The following KIAA1217 variants were observed in gnomAD, a reference collection of about 807,000 sequenced individuals.
KIAA1217 encodes KIAA1217.
Under a neutral mutation model 163.9 loss-of-function variants are expected in KIAA1217, and 88 were observed. The observed-to-expected ratio is 0.54, with a 90% CI of 0.45 to 0.64. The LOEUF (loss-of-function observed/expected upper bound fraction) is 0.64, where lower values mean the gene tolerates loss of function less well. Among genes scored for constraint, KIAA1217 ranks in the 30% least tolerant of loss-of-function variants. KIAA1217 has a pLI of 0.00. For synonymous variants in KIAA1217, 903 were observed against 923.1 expected, an observed-to-expected ratio of 0.98 and a Z score of 0.39; for missense variants, 2,372 against 2,475.0, an observed-to-expected ratio of 0.96 and a Z score of 0.88.
chr10:23,802,252 A>G (rs1419215708), intron 1 of KIAA1217, among the ~76,000 whole-genome samples: 4 of 152,178 alleles, frequency 2.6e-5, no homozygotes, highest in African/African-American at 9.7e-5. Context: ...CTCTCACCTC[A>G]CATGCTGAGA....
intron 1 of KIAA1217, among the ~76,000 whole-genome samples, chr10:23,826,574 T>A (rs546856910): frequency 6.6e-6 from 1 of 152,158 alleles, no homozygotes; most frequent in East Asian, 1.9e-4. Context: ...TTATGACTCC[T>A]CCTCAGAGAT....
chr10:24,232,530 G>C (rs1242717665), intron 2 of KIAA1217, among the ~76,000 whole-genome samples: 1 of 152,178 alleles, frequency 6.6e-6, no homozygotes, highest in Non-Finnish European at 1.5e-5. Context: ...CCGAAGTCTA[G>C]CTAGGCAGTG....
intron 2 of KIAA1217, among the ~76,000 whole-genome samples, chr10:24,157,648 G>A (rs1293642151): frequency 2.6e-5 from 4 of 152,126 alleles, no homozygotes; most frequent in Non-Finnish European, 5.9e-5. Context: ...TACAAGGATG[G>A]CAAATTAGCA....
At chr10:24,055,720 G>A (rs1249135774) in intron 2 of KIAA1217, among the ~76,000 whole-genome samples, 3 of 150,492 alleles carry the variant, frequency 2.0e-5, no homozygotes, top group Non-Finnish European at 4.4e-5. Context: ...TTTTTTTTCC[G>A]ATAAAACTTC....
In KIAA1217 at chr10:24,544,908, G is replaced by A; in HGVS notation, c.5212-73G>A. On this transcript the variant is annotated intron_variant, in intron 19 of 20. Coordinates refer to ENST00000376454, the MANE Select transcript of KIAA1217 (RefSeq NM_019590.5). Reference sequence around the variant, plus strand: ...CTCACCTTGAGCTTCTCTGCACATCGTGGGGCAGCCTCACAGATGACCTAC... The same window carrying A: ...CTCACCTTGAGCTTCTCTGCACATCATGGGGCAGCCTCACAGATGACCTAC... 3 of 1,530,918 alleles carry A rather than the reference G, an allele frequency of 2.0e-6. No individual in the cohort carries two copies. In the South Asian group the frequency reaches 3.6e-5, roughly 18 times the overall value. 94.8% of individuals were successfully genotyped at this position (1,530,918 alleles called of 1,614,324 possible).
intron 9 of KIAA1217, among the ~76,000 whole-genome samples, chr10:24,503,018 G>A (rs1387275684): frequency 1.3e-5 from 2 of 152,160 alleles, no homozygotes; most frequent in African/African-American, 4.8e-5. Context: ...CCAGGATCCT[G>A]GAGCAGCCAT....
intron 9 of KIAA1217, among the ~76,000 whole-genome samples, chr10:24,503,308 T>A (rs186068242): frequency 7.2e-4 from 110 of 152,368 alleles, no homozygotes; most frequent in Non-Finnish European, 1.3e-3. Flanking sequence ...ACATCCCAGA[T>A]ACCTTGAACA....
intron 1 of KIAA1217, among the ~76,000 whole-genome samples, chr10:24,215,229 G>A (rs1447163698): frequency 6.6e-6 from 1 of 152,166 alleles, no homozygotes; most frequent in Non-Finnish European, 1.5e-5. Flanking sequence ...AAGCTCCTAT[G>A]TTGCTCTTTG....
chr10:24,392,673 G>A (rs927679253), intron 3 of KIAA1217, among the ~76,000 whole-genome samples: 4 of 152,112 alleles, frequency 2.6e-5, no homozygotes, highest in African/African-American at 9.7e-5. Flanking sequence ...TTTTTAATAT[G>A]TTCCAATAAT....
chr10:24,193,800 CT>C, intron 2 of KIAA1217, among the ~76,000 whole-genome samples: 1 of 95,766 alleles, frequency 1.0e-5, no homozygotes, highest in Non-Finnish European at 2.1e-5. Context: ...GCAGCGTTTT[CT>C]ACACACACAC....
chr10:24,048,256 C>T (rs980721573), intron 2 of KIAA1217, among the ~76,000 whole-genome samples: 6 of 152,178 alleles, frequency 3.9e-5, no homozygotes, highest in Admixed American at 3.9e-4. Context: ...ACTTTTGCTA[C>T]AATTTGCATA....
intron 1 of KIAA1217, among the ~76,000 whole-genome samples, chr10:23,999,181 G>A (rs893404058): frequency 1.3e-5 from 2 of 152,218 alleles, no homozygotes; most frequent in Non-Finnish European, 2.9e-5. Flanking sequence ...TATATTTGGT[G>A]TTGCTGTTGG....
At chr10:23,894,851 T>C (rs1400287036) in intron 1 of KIAA1217, among the ~76,000 whole-genome samples, 4 of 151,748 alleles carry the variant, frequency 2.6e-5, no homozygotes, top group Non-Finnish European at 4.4e-5. Flanking sequence ...TCTACAACTA[T>C]CTGATCTTTG....
chr10:24,046,242 G>A (rs189201281), intron 2 of KIAA1217, among the ~76,000 whole-genome samples: 1 of 151,990 alleles, frequency 6.6e-6, no homozygotes, highest in East Asian at 1.9e-4. Flanking sequence ...TGATGATGAC[G>A]ATGACGATGA....
At chr10:23,971,018 G>A (rs989533993) in intron 1 of KIAA1217, among the ~76,000 whole-genome samples, 3 of 152,208 alleles carry the variant, frequency 2.0e-5, no homozygotes, top group Admixed American at 6.5e-5. Flanking sequence ...AGAGGGCCAA[G>A]CGGGCGCTTG....
At chr10:24,098,642 A>G (rs907483596) in intron 2 of KIAA1217, among the ~76,000 whole-genome samples, 3 of 151,984 alleles carry the variant, frequency 2.0e-5, no homozygotes, top group African/African-American at 7.3e-5. Flanking sequence ...GATTTAAGGT[A>G]AATTTCATAG....
chr10:23,792,624 C>G (rs1173768827), intron 1 of KIAA1217, among the ~76,000 whole-genome samples: 1 of 151,448 alleles, frequency 6.6e-6, no homozygotes, highest in East Asian at 1.9e-4. Flanking sequence ...TCCCCAGTAA[C>G]TGGGACTACA....
At chr10:23,808,593 G>A (rs933225951) in intron 1 of KIAA1217, among the ~76,000 whole-genome samples, 3 of 151,974 alleles carry the variant, frequency 2.0e-5, no homozygotes, top group Admixed American at 6.6e-5. Flanking sequence ...CAGAAAAAAA[G>A]GGTGAACTGG....
At position 23,987,741 on chromosome 10, in the gene KIAA1217, C is replaced by T. The variant is rs148432844; in HGVS notation, c.-320-19484C>T. Among the ~76,000 whole-genome samples, 1,476 of 152,154 alleles carry T rather than the reference C, an allele frequency of 9.7e-3. 15 individuals carry two copies. The highest frequency in any genetic ancestry group is 0.037 in the Middle Eastern group (11 of 294). On this transcript the variant is annotated intron_variant, in intron 1 of 18. Coordinates refer to the KIAA1217 transcript ENST00000376462. ...TACGTTGTGCAATAGATCTCTTGAA[C>T]GTATTCCTATCTAGCTGCAAGTCTG...
Sources: gnomAD v4.1 joint callset for allele counts (sites outside exome capture counted in the v4.1 genomes callset) on GRCh38, gnomAD v4.1.1 for gene constraint, MANE v1.5 for transcripts, NCBI Gene and HGNC (gene_info 2026-07-23, HGNC 2026-07-21) for gene names.